Variants in MEGF10 observed in about 807,000 individuals in gnomAD.
MEGF10 encodes the protein multiple epidermal growth factor-like domains protein 10.
A neutral mutation model predicts 147.5 loss-of-function variants in MEGF10; 86 were observed. The observed-to-expected ratio is 0.58, with a 90% confidence interval of 0.49 to 0.70. MEGF10 has a LOEUF of 0.70. MEGF10 is among the 30% of genes least tolerant of loss of function. The probability of loss-of-function intolerance (pLI) is 0.00; values close to 1 mark genes in which losing one functional copy is unlikely to be tolerated. For synonymous variants in MEGF10, 478 were observed against 525.5 expected (o/e 0.91, Z 1.24); for missense variants, 1,329 against 1,487.3 (o/e 0.89, Z 1.75).
chr5:127,316,400 C>T (rs921493539), intron 1 of MEGF10, among the ~76,000 whole-genome samples: 22 of 152,164 alleles, frequency 1.4e-4, no homozygotes, highest in African/African-American at 4.8e-4. Flanking sequence ...GAATGATTAA[C>T]TATTAATTAA....
intron 5 of MEGF10, among the ~76,000 whole-genome samples, chr5:127,373,144 A>G (rs940258193): frequency 6.6e-6 from 1 of 151,960 alleles, no homozygotes; most frequent in Non-Finnish European, 1.5e-5. Flanking sequence ...AGCTTTGGCC[A>G]TTGTGTCTTT....
intron 1 of MEGF10, among the ~76,000 whole-genome samples, chr5:127,308,179 C>A (rs185897733): frequency 1.3e-5 from 2 of 152,262 alleles, no homozygotes; most frequent in Admixed American, 6.5e-5. Flanking sequence ...GTAATCTTAA[C>A]TTCATTAGCA....
intron 22 of MEGF10, among the ~76,000 whole-genome samples, chr5:127,451,905 C>T (rs541536800): frequency 2.0e-5 from 3 of 152,272 alleles, no homozygotes; most frequent in East Asian, 1.9e-4. Context: ...GAATAGTTGT[C>T]GTCATGGTAT....
At chr5:127,340,044 T>G (rs1761621378) in intron 3 of MEGF10, among the ~76,000 whole-genome samples, 1 of 152,204 alleles carries the variant, frequency 6.6e-6, no homozygotes. Flanking sequence ...TGTATTGTTT[T>G]GCTTACTGCT....
At chr5:127,395,966 A>G (rs753837863) in intron 5 of MEGF10, among the ~76,000 whole-genome samples, 1 of 151,998 alleles carries the variant, frequency 6.6e-6, no homozygotes, top group African/African-American at 2.4e-5. Flanking sequence ...TTTCATGGTT[A>G]CTGCCTGTGA....
intron 10 of MEGF10, among the ~76,000 whole-genome samples, chr5:127,418,809 C>T (rs1205585788): frequency 2.6e-5 from 4 of 151,878 alleles, no homozygotes; most frequent in Non-Finnish European, 5.9e-5. Flanking sequence ...TATATATCTA[C>T]TTGTCTGAGC....
the MEGF10 span, among the ~76,000 whole-genome samples, chr5:127,247,322 A>G: frequency 2.7e-3 from 7 of 2,570 alleles, 1 homozygote; most frequent in African/African-American, 5.5e-3. Flanking sequence ...AAGAGAGAGA[A>G]GAAGAAGAAG....
intron 4 of MEGF10, among the ~76,000 whole-genome samples, chr5:127,344,278 C>T (rs1017299693): frequency 3.9e-5 from 6 of 151,986 alleles, no homozygotes; most frequent in African/African-American, 9.7e-5. Context: ...CAGACAACAA[C>T]GAAGTCATGG....
At chr5:127,269,317 T>A in the MEGF10 span, among the ~76,000 whole-genome samples, 1 of 152,128 alleles carries the variant, frequency 6.6e-6, no homozygotes, top group Non-Finnish European at 1.5e-5. Context: ...TCAAACCCAA[T>A]GCAAAGAAGT....
At chr5:127,413,376 C>T (rs1220176362) in intron 9 of MEGF10, among the ~76,000 whole-genome samples, 1 of 152,012 alleles carries the variant, frequency 6.6e-6, no homozygotes, top group Admixed American at 6.6e-5. Context: ...CATTTAATAG[C>T]CATGGACAAT....
intron 20 of MEGF10, among the ~76,000 whole-genome samples, chr5:127,446,310 A>T (rs1381734315): frequency 6.6e-6 from 1 of 152,218 alleles, no homozygotes. Context: ...TAAAAGTTTA[A>T]AATCTTTATT....
chr5:127,388,981 C>T (rs1229122796), intron 5 of MEGF10, among the ~76,000 whole-genome samples: 1 of 152,150 alleles, frequency 6.6e-6, no homozygotes, highest in Admixed American at 6.5e-5. Context: ...GTTGCTCTGC[C>T]TTAGAAAGAG....
rs575471729 is a variant in MEGF10, at chr5:127,430,669, C to G, written c.1694-2694C>G. On this transcript the variant is annotated intron_variant, in intron 13 of 24. Coordinates refer to ENST00000503335, the MANE Select transcript of MEGF10 (RefSeq NM_001256545.2). Reference sequence around the variant, plus strand: ...GACTGTAAGATGAAGGGAAAAATAACTAGGAGGGCACAGAGGGCCAGAAGG... The same window carrying G: ...GACTGTAAGATGAAGGGAAAAATAAGTAGGAGGGCACAGAGGGCCAGAAGG... Among the ~76,000 whole-genome samples, 330 of 152,170 alleles carry G rather than the reference C, an allele frequency of 2.2e-3. 1 individual carries two copies. Among genetic ancestry groups the G allele is most frequent in the African/African-American group, 7.6e-3 (314 of 41,496 alleles).
At chr5:127,247,467 G>GAAGAAGAAGAAGAAGAAC in the MEGF10 span, among the ~76,000 whole-genome samples, 1 of 117,194 alleles carries the variant, frequency 8.5e-6, no homozygotes, top group Admixed American at 8.6e-5. Flanking sequence ...AGAAGAAGAA[G>GAAGAAGAAGAAGAAGAAC]AAGAAGAAGA....
At chr5:127,408,168 T>G (rs1764404994) in intron 8 of MEGF10, among the ~76,000 whole-genome samples, 3 of 152,218 alleles carry the variant, frequency 2.0e-5, no homozygotes, top group African/African-American at 7.2e-5. Flanking sequence ...TGGTTCCCTG[T>G]AATTTGGTAA....
At position 127,452,870 on chromosome 5, in the gene MEGF10, C is replaced by T. The variant is rs542949003; in HGVS notation, c.2981-1696C>T. 3.9e-5 allele frequency among the ~76,000 whole-genome samples: 6 copies of T among 152,290 alleles called. No individual in the cohort carries two copies. In the East Asian group the frequency reaches 1.2e-3, roughly 29 times the overall value. On this transcript the variant is annotated intron_variant, in intron 22 of 24. Coordinates refer to ENST00000503335, the MANE Select transcript of MEGF10 (RefSeq NM_001256545.2). ...CATTTATGCTGCCTCCCTGCATAAC[C>T]GTGTGCCCTTCCCCCCAGCTATGGG...
rs1282923360 is a variant in MEGF10 at position 127,344,839 on chromosome 5, G to A, written c.319+4209G>A. On this transcript the variant is annotated intron_variant, in intron 4 of 24. Coordinates refer to ENST00000503335, the MANE Select transcript of MEGF10 (RefSeq NM_001256545.2). ...CACATGCGGTGATTCTGTCTACATCGACCAGAGGACTGATCGCTGACCTTA... is the reference window on the plus strand; with the variant it reads ...CACATGCGGTGATTCTGTCTACATCAACCAGAGGACTGATCGCTGACCTTA... 3.3e-5 allele frequency among the ~76,000 whole-genome samples: 5 copies of A among 152,112 alleles called. 1 individual carries two copies. Among genetic ancestry groups the A allele is most frequent in the South Asian group, 4.1e-4 (2 of 4,826 alleles).
chr5:127,327,237 T>G (rs1181745832), intron 1 of MEGF10, among the ~76,000 whole-genome samples: 1 of 152,198 alleles, frequency 6.6e-6, no homozygotes, highest in African/African-American at 2.4e-5. Context: ...ATTAAGTGAA[T>G]GATCTGAAAT....
Position 127,328,128 on chromosome 5 carries a change from G to A in MEGF10, c.-18-3163G>A, listed in dbSNP as rs77919543. ...ATTTAGAGAAATGCTGTGTTTCTTA[G>A]TTCTCTACAGCTTATTGGCATATTT... On this transcript the variant is annotated intron_variant, in intron 1 of 24. Coordinates refer to ENST00000503335, the MANE Select transcript of MEGF10 (RefSeq NM_001256545.2). Among the ~76,000 whole-genome samples the A allele has an allele frequency of 4.4e-3, 671 of 152,206 alleles. 6 individuals are homozygous for A. The highest frequency in any genetic ancestry group is 0.015 in the African/African-American group (634 of 41,520).
Sources: gnomAD v4.1 joint callset for allele counts (sites outside exome capture counted in the v4.1 genomes callset) on GRCh38, gnomAD v4.1.1 for gene constraint, MANE v1.5 for transcripts, NCBI Gene and HGNC (gene_info 2026-07-23, HGNC 2026-07-21) for gene names.